KCNT2: variants seen among roughly 807,000 people sequenced by gnomAD.
KCNT2 encodes potassium channel subfamily T member 2.
Under a neutral mutation model 153.8 loss-of-function variants are expected in KCNT2, and 67 were observed. The observed-to-expected ratio is 0.44, with a 90% CI of 0.36 to 0.53. The LOEUF is 0.53. Among genes scored for constraint, KCNT2 ranks in the 20% least tolerant of loss-of-function variants. The pLI, the probability that KCNT2 is intolerant of heterozygous loss-of-function variation, is 0.00. For missense variants in KCNT2, 975 were observed against 1,354.8 expected, an observed-to-expected ratio of 0.72 and a Z score of 4.40; for synonymous variants, 500 against 458.8, an observed-to-expected ratio of 1.09 and a Z score of -1.15.
At chr1:196,572,050 T>A (rs1660838692) in intron 1 of KCNT2, among the ~76,000 whole-genome samples, 1 of 152,078 alleles carries the variant, frequency 6.6e-6, no homozygotes, top group South Asian at 2.1e-4. Flanking sequence ...TTGTCTCACA[T>A]AAGGCTCAGA....
At chr1:196,293,191 A>G (rs1336042154) in intron 22 of KCNT2, among the ~76,000 whole-genome samples, 4 of 152,190 alleles carry the variant, frequency 2.6e-5, no homozygotes, top group African/African-American at 9.6e-5. Flanking sequence ...AAATATCCAT[A>G]CTATTCAAAG....
chr1:196,273,116 A>G (rs1658221403), intron 25 of KCNT2, among the ~76,000 whole-genome samples: 1 of 151,878 alleles, frequency 6.6e-6, no homozygotes, highest in Admixed American at 6.6e-5. Flanking sequence ...ATAGTAAAGG[A>G]GGTCTACTCT....
chr1:196,473,735 T>C (rs1395802558), intron 5 of KCNT2, among the ~76,000 whole-genome samples: 1 of 151,998 alleles, frequency 6.6e-6, no homozygotes, highest in Non-Finnish European at 1.5e-5. Flanking sequence ...AACATAAATA[T>C]AGAAAGGATC....
At chr1:196,264,204 T>C (rs1414230956) in intron 25 of KCNT2, among the ~76,000 whole-genome samples, 1 of 152,160 alleles carries the variant, frequency 6.6e-6, no homozygotes, top group African/African-American at 2.4e-5. Context: ...ATTAATATCA[T>C]GTAACTGCTA....
At chr1:196,502,061 G>T (rs2148767426) in intron 1 of KCNT2, among the ~76,000 whole-genome samples, 1 of 152,270 alleles carries the variant, frequency 6.6e-6, no homozygotes, top group East Asian at 1.9e-4. Flanking sequence ...AGGTTGCAGT[G>T]AGTTGAGATC....
chr1:196,268,900 A>G (rs944329796), intron 25 of KCNT2, among the ~76,000 whole-genome samples: 3 of 152,164 alleles, frequency 2.0e-5, no homozygotes, highest in Admixed American at 6.6e-5. Context: ...AATTCTCCAC[A>G]CTGCCTCTGT....
At chr1:196,583,142 G>A (rs1318803797) in intron 1 of KCNT2, among the ~76,000 whole-genome samples, 1 of 152,026 alleles carries the variant, frequency 6.6e-6, no homozygotes, top group African/African-American at 2.4e-5. Context: ...CCTCTCAAGA[G>A]TTCAGATGAG....
intron 8 of KCNT2, among the ~76,000 whole-genome samples, chr1:196,434,072 C>T (rs1237970151): frequency 1.3e-5 from 2 of 151,960 alleles, no homozygotes; most frequent in Non-Finnish European, 2.9e-5. Flanking sequence ...CATACTTAAA[C>T]CAATGAGTTG....
intron 23 of KCNT2, among the ~76,000 whole-genome samples, chr1:196,285,353 T>C (rs1181012056): frequency 6.6e-6 from 1 of 152,142 alleles, no homozygotes; most frequent in Non-Finnish European, 1.5e-5. Context: ...AATCCAGTAA[T>C]ATGCTTGGAG....
intron 12 of KCNT2, among the ~76,000 whole-genome samples, chr1:196,400,312 G>C (rs1258380091): frequency 1.1e-4 from 16 of 151,748 alleles, no homozygotes; most frequent in Admixed American, 1.1e-3. Flanking sequence ...TAAGTAAAAG[G>C]ATGCCAAGTT....
intron 1 of KCNT2, among the ~76,000 whole-genome samples, chr1:196,574,816 A>T (rs1306502640): frequency 6.6e-6 from 1 of 152,002 alleles, no homozygotes; most frequent in African/African-American, 2.4e-5. Context: ...ATCTTAAAAC[A>T]TACATAAGAA....
chr1:196,586,800 C>T (rs989977102), intron 1 of KCNT2, among the ~76,000 whole-genome samples: 2 of 152,052 alleles, frequency 1.3e-5, no homozygotes, highest in African/African-American at 4.8e-5. Flanking sequence ...ATATATTCTT[C>T]GTGTTCCTCC....
At chr1:196,398,430 A>G (rs1482384929) in intron 13 of KCNT2, 133 bp downstream of exon 13, 3 of 552,400 alleles carry the variant, frequency 5.4e-6, no homozygotes, top group Non-Finnish European at 9.9e-6. Flanking sequence ...CAAGTAAATT[A>G]GTTTTAATAA....
intron 25 of KCNT2, among the ~76,000 whole-genome samples, chr1:196,259,917 A>G (rs1656852082): frequency 6.6e-6 from 1 of 151,916 alleles, no homozygotes; most frequent in South Asian, 2.1e-4. Flanking sequence ...ATTTTTATAA[A>G]ATTTTAACTC....
intron 25 of KCNT2, among the ~76,000 whole-genome samples, chr1:196,266,981 T>C (rs1024851315): frequency 1.3e-5 from 2 of 152,206 alleles, no homozygotes; most frequent in Non-Finnish European, 2.9e-5. Context: ...TTGCTGCCTA[T>C]GCCTCTGTAA....
chr1:196,295,368 CTT>C (rs956730064), intron 22 of KCNT2, among the ~76,000 whole-genome samples: 3 of 151,670 alleles, frequency 2.0e-5, no homozygotes, highest in East Asian at 3.9e-4. Flanking sequence ...TTCTGTATGA[CTT>C]ATTATTGTTC....
At chr1:196,297,918 T>C (rs1462847544) in intron 22 of KCNT2, among the ~76,000 whole-genome samples, 1 of 152,180 alleles carries the variant, frequency 6.6e-6, no homozygotes, top group Non-Finnish European at 1.5e-5. Flanking sequence ...ATGCCTAGAA[T>C]TCAGCAAGGC....
intron 12 of KCNT2, chr1:196,404,098 G>C (rs888952111): frequency 1.4e-5 from 13 of 914,944 alleles, no homozygotes; most frequent in Non-Finnish European, 1.7e-5. Flanking sequence ...AATACTAATA[G>C]ATACTAAATC....
intron 8 of KCNT2, among the ~76,000 whole-genome samples, chr1:196,451,407 A>ATTTTTTTTTTTTTTTTT (rs35621901): frequency 1.6e-5 from 1 of 62,894 alleles, no homozygotes; most frequent in Non-Finnish European, 2.7e-5. Flanking sequence ...CACCCAACAC[A>ATTTTTTTTTTTTTTTTT]TTTTTTTTTT....
Sources: allele counts gnomAD v4.1 joint callset (sites outside exome capture counted in the v4.1 genomes callset), GRCh38; gene constraint gnomAD v4.1.1; transcripts MANE v1.5; gene names NCBI Gene and HGNC (gene_info 2026-07-23, HGNC 2026-07-21).